The following NXPH1 variants were observed in gnomAD, a reference collection of about 807,000 sequenced individuals.
The protein encoded by NXPH1 is neurexophilin-1.
NXPH1 carries 5 observed loss-of-function variants against 23.7 expected under a neutral mutation model. The ratio of observed to expected loss-of-function variants is 0.21; its 90% CI spans 0.11 to 0.44. NXPH1 has a LOEUF of 0.44. Ranked by LOEUF, NXPH1 falls within the 20% of genes least tolerant of loss-of-function variation. The pLI is 0.99. For missense variants in NXPH1, 324 were observed against 321.6 expected, an observed-to-expected ratio of 1.01 and a Z score of -0.06; for synonymous variants, 144 against 122.2, an observed-to-expected ratio of 1.18 and a Z score of -1.18.
intron 2 of NXPH1, among the ~76,000 whole-genome samples, chr7:8,679,198 C>T (rs1286656819): frequency 6.6e-6 from 1 of 151,886 alleles, no homozygotes; most frequent in Non-Finnish European, 1.5e-5. Flanking sequence ...CCGCCCACCT[C>T]GGCCTCCCAA....
intron 2 of NXPH1, among the ~76,000 whole-genome samples, chr7:8,710,441 C>T (rs1040313534): frequency 6.6e-6 from 1 of 152,114 alleles, no homozygotes; most frequent in Non-Finnish European, 1.5e-5. Flanking sequence ...TGTTCTCTGT[C>T]TTCTGCAACT....
intron 2 of NXPH1, among the ~76,000 whole-genome samples, chr7:8,688,042 ATTG>A (rs1321654990): frequency 1.3e-5 from 2 of 152,062 alleles, no homozygotes; most frequent in Non-Finnish European, 2.9e-5. Flanking sequence ...TTATTTGAAT[ATTG>A]TTGTGGTTCT....
intron 2 of NXPH1, among the ~76,000 whole-genome samples, chr7:8,743,122 T>A (rs943637362): frequency 5.3e-5 from 8 of 152,178 alleles, no homozygotes; most frequent in Admixed American, 3.9e-4. Flanking sequence ...GTTGTAATCA[T>A]AGAGCAATGT....
At chr7:8,447,986 C>T (rs1816434296) in intron 2 of NXPH1, among the ~76,000 whole-genome samples, 2 of 152,190 alleles carry the variant, frequency 1.3e-5, no homozygotes, top group South Asian at 4.1e-4. Context: ...AGGACCTGGC[C>T]ATAACAGAGA....
chr7:8,593,855 A>T (rs546434538), intron 2 of NXPH1, among the ~76,000 whole-genome samples: 16 of 152,214 alleles, frequency 1.1e-4, no homozygotes, highest in Admixed American at 9.8e-4. Flanking sequence ...GGAAGATCCA[A>T]AATGTACCTT....
intron 2 of NXPH1, among the ~76,000 whole-genome samples, chr7:8,441,409 A>G (rs1816296363): frequency 6.6e-6 from 1 of 151,908 alleles, no homozygotes; most frequent in African/African-American, 2.4e-5. Flanking sequence ...CAGCGCGCGC[A>G]TTTTTCTGCC....
intron 2 of NXPH1, among the ~76,000 whole-genome samples, chr7:8,651,907 T>C (rs887585867): frequency 6.6e-6 from 1 of 152,180 alleles, no homozygotes; most frequent in Non-Finnish European, 1.5e-5. Flanking sequence ...AGAACAAGTA[T>C]AATATTCTTT....
intron 2 of NXPH1, among the ~76,000 whole-genome samples, chr7:8,717,963 C>T (rs187984383): frequency 6.7e-6 from 1 of 150,258 alleles, no homozygotes; most frequent in Non-Finnish European, 1.5e-5. Flanking sequence ...ACACAGAGCC[C>T]CTATATACAT....
chr7:8,575,223 G>T (rs531291539), intron 2 of NXPH1, among the ~76,000 whole-genome samples: 28 of 152,210 alleles, frequency 1.8e-4, no homozygotes, highest in African/African-American at 6.5e-4. Flanking sequence ...AATAAATCAG[G>T]TCAGTTCTCT....
intron 2 of NXPH1, among the ~76,000 whole-genome samples, chr7:8,634,665 GTTTT>G (rs144810873): frequency 0.019 from 1,761 of 95,154 alleles, 26 homozygotes; most frequent in East Asian, 0.12. Context: ...GTCCAGAAGA[GTTTT>G]TTTTTTTTTT....
At chr7:8,738,344 C>T (rs185193668) in intron 2 of NXPH1, among the ~76,000 whole-genome samples, 111 of 152,274 alleles carry the variant, frequency 7.3e-4, no homozygotes, top group African/African-American at 2.3e-3. Flanking sequence ...TGATGCTATT[C>T]CTTTCTATTA....
At chr7:8,462,795 A>G (rs750636511) in intron 2 of NXPH1, among the ~76,000 whole-genome samples, 2 of 152,234 alleles carry the variant, frequency 1.3e-5, no homozygotes, top group Non-Finnish European at 2.9e-5. Flanking sequence ...TATTTCATTT[A>G]TCCTTTTACT....
chr7:8,613,340 A>G (rs1819659924), intron 2 of NXPH1, among the ~76,000 whole-genome samples: 1 of 152,016 alleles, frequency 6.6e-6, no homozygotes, highest in African/African-American at 2.4e-5. Context: ...GTGCATTTCA[A>G]CAAAGAGAAT....
At chr7:8,524,839 C>T (rs1278574519) in intron 2 of NXPH1, among the ~76,000 whole-genome samples, 2 of 152,200 alleles carry the variant, frequency 1.3e-5, no homozygotes, top group Non-Finnish European at 2.9e-5. Context: ...AAGGCCTCCA[C>T]AGCCACATGG....
intron 2 of NXPH1, among the ~76,000 whole-genome samples, chr7:8,673,198 A>G (rs1371573876): frequency 6.6e-6 from 1 of 152,230 alleles, no homozygotes; most frequent in Non-Finnish European, 1.5e-5. Flanking sequence ...AAAGGAATAT[A>G]AATTGGCTTT....
chr7:8,698,135 C>T (rs1300967527), intron 2 of NXPH1, among the ~76,000 whole-genome samples: 1 of 152,158 alleles, frequency 6.6e-6, no homozygotes, highest in Non-Finnish European at 1.5e-5. Context: ...CTTTCGGAGT[C>T]AGAAATACTG....
intron 2 of NXPH1, among the ~76,000 whole-genome samples, chr7:8,492,648 G>T (rs551311244): frequency 6.6e-6 from 1 of 152,092 alleles, no homozygotes; most frequent in East Asian, 1.9e-4. Context: ...ACACATGGAA[G>T]ATGGCGCCAT....
rs181454611 is a variant in NXPH1 at position 8,643,013 on chromosome 7, C to T, written c.55-107995C>T. Among the ~76,000 whole-genome samples, 47 of 152,068 alleles carry T rather than the reference C, an allele frequency of 3.1e-4. No homozygotes were observed. In the South Asian group the frequency reaches 5.8e-3, roughly 19 times the overall value. ...CCAAGTAGCTGGAACTACGGGTGCA[C>T]GCCACCATGCCTGGCTAATTTTCGT... is the stretch of plus-strand genomic sequence containing the variant. On this transcript the variant is annotated intron_variant, in intron 2 of 2. Transcript: ENST00000405863.
chr7:8,653,853 C>G (rs1482266639), intron 2 of NXPH1, among the ~76,000 whole-genome samples: 1 of 152,150 alleles, frequency 6.6e-6, no homozygotes, highest in Admixed American at 6.6e-5. Flanking sequence ...TCATTTCTTA[C>G]AATACATAGC....
Sources: gnomAD v4.1 joint callset for allele counts (sites outside exome capture counted in the v4.1 genomes callset) on GRCh38, gnomAD v4.1.1 for gene constraint, MANE v1.5 for transcripts, NCBI Gene and HGNC (gene_info 2026-07-23, HGNC 2026-07-21) for gene names.